The following GFRA2 variants were observed in gnomAD, a reference collection of about 807,000 sequenced individuals.
GFRA2 encodes the protein GDNF family receptor alpha 2.
In GFRA2, 17 loss-of-function variants were observed where a neutral mutation model predicts 48.3. The observed-to-expected ratio is 0.35, with a 90% CI of 0.24 to 0.53. The LOEUF (loss-of-function observed/expected upper bound fraction) is 0.53, where lower values mean the gene tolerates loss of function less well. Among genes scored for constraint, GFRA2 ranks in the 20% least tolerant of loss-of-function variants. The pLI, the probability that GFRA2 is intolerant of heterozygous loss-of-function variation, is 0.93. For synonymous variants in GFRA2, 305 were observed against 257.2 expected (o/e 1.19, Z -1.78); for missense variants, 660 against 637.3 (o/e 1.04, Z -0.38).
chr8:21,790,372 T>C (rs370712842), upstream of GFRA2, among the ~76,000 whole-genome samples: 73 of 152,308 alleles, frequency 4.8e-4, no homozygotes, highest in Middle Eastern at 3.4e-3. Context: ...TAACATGAAT[T>C]TGATAGTACC....
intron 4 of GFRA2, among the ~76,000 whole-genome samples, chr8:21,724,213 T>C (rs1246491726): frequency 6.6e-6 from 1 of 151,920 alleles, no homozygotes; most frequent in Non-Finnish European, 1.5e-5. Flanking sequence ...AGTATCTCCC[T>C]GCAGATGGTC....
In GFRA2 at chr8:21,753,416, T is replaced by A. The variant is rs112849820; in HGVS notation, c.440-2474A>T. Among the ~76,000 whole-genome samples the A allele has an allele frequency of 4.9e-3, 746 of 152,360 alleles. 5 individuals are homozygous for A. Among genetic ancestry groups the A allele is most frequent in the African/African-American group, 0.017 (721 of 41,586 alleles). ...TGAGGTCAGGAGTTCGAGGCCAGAC[T>A]GGCCAACATGGCAAAACCCCGTCTC... On this transcript the variant is annotated intron_variant, in intron 3 of 8. Transcript: ENST00000524240.
intron 4 of GFRA2, among the ~76,000 whole-genome samples, chr8:21,711,338 GA>G (rs751706597): frequency 2.0e-5 from 3 of 152,070 alleles, no homozygotes; most frequent in African/African-American, 7.2e-5. Context: ...GAACAGATAG[GA>G]AAAAAACAGA....
intron 1 of GFRA2, chr8:21,783,221 T>C (rs1807101054): frequency 4.0e-6 from 2 of 495,446 alleles, no homozygotes; most frequent in African/African-American, 1.9e-5. Flanking sequence ...CAGAGGAGAA[T>C]GTCACAGCCT....
rs987030597 is a variant in GFRA2, at chr8:21,759,804, G to A, written c.440-8862C>T. Reference sequence around the variant, plus strand: ...CTCAGGAGGCTGAAGCAGGAGAATCGCTTGAAGCCGGGAGGCAGAGGTTGC... The same window carrying A: ...CTCAGGAGGCTGAAGCAGGAGAATCACTTGAAGCCGGGAGGCAGAGGTTGC... On this transcript the variant is annotated intron_variant, in intron 3 of 8. Transcript: ENST00000524240. Among the ~76,000 whole-genome samples the A allele has an allele frequency of 8.0e-5, 12 of 149,986 alleles. No homozygotes were observed. The South Asian group carries it at 8.5e-4, about 11-fold the overall frequency.
chr8:21,810,535 G>A (rs969997513), intron 1 of GFRA2, among the ~76,000 whole-genome samples: 1 of 152,220 alleles, frequency 6.6e-6, no homozygotes, highest in African/African-American at 2.4e-5. Flanking sequence ...GCAGAGAAAT[G>A]ACAGGTCCTG....
rs1250870682 is a variant in GFRA2, at chr8:21,788,454, G to T, written c.-295C>A. 1 of 1,150,598 alleles carries T rather than the reference G, an allele frequency of 8.7e-7. No individual in the cohort carries two copies. Among genetic ancestry groups the T allele is most frequent in the Non-Finnish European group, 1.1e-6 (1 of 936,718 alleles). 71.3% of individuals were successfully genotyped at this position (1,150,598 alleles called of 1,614,324 possible). ...TTCTAAGCCAACAGCCCAGTCCTGG[G>T]GTCAGCCCTCCCCTCCAATCGTCCG... On this transcript the variant is annotated 5_prime_UTR_variant, in exon 1 of 9. Coordinates refer to ENST00000524240, the MANE Select transcript of GFRA2 (RefSeq NM_001495.5).
chr8:21,809,401 G>T (rs943079514), intron 1 of GFRA2, among the ~76,000 whole-genome samples: 2 of 152,092 alleles, frequency 1.3e-5, no homozygotes, highest in African/African-American at 2.4e-5. Context: ...CTCAGCTCAC[G>T]GCAAGCTCCG....
chr8:21,719,252 G>A (rs987393691), intron 4 of GFRA2, among the ~76,000 whole-genome samples: 1 of 152,078 alleles, frequency 6.6e-6, no homozygotes, highest in African/African-American at 2.4e-5. Context: ...TGAGACAGAG[G>A]CCAACCCAAG....
At chr8:21,730,505 A>T (rs1326274303) in intron 4 of GFRA2, among the ~76,000 whole-genome samples, 1 of 152,180 alleles carries the variant, frequency 6.6e-6, no homozygotes, top group African/African-American at 2.4e-5. Flanking sequence ...CCCTATCTGC[A>T]CCACAGAGGG....
At chr8:21,752,674 G>A (rs1805355844) in intron 3 of GFRA2, among the ~76,000 whole-genome samples, 1 of 151,942 alleles carries the variant, frequency 6.6e-6, no homozygotes, top group Admixed American at 6.6e-5. Context: ...AACACCTCTA[G>A]CTGCAAGCCT....
chr8:21,806,999 T>A (rs953701946), intron 1 of GFRA2, among the ~76,000 whole-genome samples: 6 of 152,206 alleles, frequency 3.9e-5, no homozygotes, highest in Non-Finnish European at 8.8e-5. Flanking sequence ...ATCTTTCTCA[T>A]TCATCCTTGT....
intron 4 of GFRA2, among the ~76,000 whole-genome samples, chr8:21,728,039 G>A (rs1030032389): frequency 2.0e-5 from 3 of 152,014 alleles, no homozygotes; most frequent in South Asian, 4.1e-4. Flanking sequence ...ACATACATTA[G>A]GCACATGTTA....
rs1475442011 is a variant in GFRA2, at chr8:21,692,514, C to A, written c.*764G>T. The A allele has an allele frequency of 6.6e-6, 1 of 151,230 alleles. No homozygotes were observed. Among genetic ancestry groups the A allele is most frequent in the Admixed American group, 6.6e-5 (1 of 15,200 alleles). 9.4% of individuals were successfully genotyped at this position (151,230 alleles called of 1,614,324 possible). A position where few individuals can be genotyped will look rare whatever the true frequency, so the allele number is the denominator to read the frequency against. On this transcript the variant is annotated 3_prime_UTR_variant, in exon 9 of 9. Transcript: ENST00000524240. ...GAAGCCAACAAAGGACCGTTTCTCT[C>A]TGACTTCAAAATTTCTGCCACCGAG...
At chr8:21,702,334 G>A (rs1802521580) in intron 7 of GFRA2, among the ~76,000 whole-genome samples, 1 of 152,186 alleles carries the variant, frequency 6.6e-6, no homozygotes, top group African/African-American at 2.4e-5. Context: ...AAAGAGAAGG[G>A]GAGGACTTCC....
intron 7 of GFRA2, among the ~76,000 whole-genome samples, chr8:21,699,334 G>A (rs952170121): frequency 6.6e-6 from 1 of 152,212 alleles, no homozygotes; most frequent in African/African-American, 2.4e-5. Flanking sequence ...GCAGTGAGGG[G>A]GGCCTTGGGG....
At chr8:21,713,603 G>A (rs942364799) in intron 4 of GFRA2, among the ~76,000 whole-genome samples, 4 of 151,970 alleles carry the variant, frequency 2.6e-5, no homozygotes, top group African/African-American at 4.8e-5. Context: ...GATTTGCGTG[G>A]GTACAGGTGG....
At chr8:21,785,965 C>T (rs1807248716) in intron 1 of GFRA2, among the ~76,000 whole-genome samples, 1 of 150,274 alleles carries the variant, frequency 6.7e-6, no homozygotes, top group South Asian at 2.2e-4. Flanking sequence ...GCTGAAGTTT[C>T]CTAAACACCA....
At chr8:21,735,520 G>A (rs1804412417) in intron 4 of GFRA2, among the ~76,000 whole-genome samples, 2 of 152,150 alleles carry the variant, frequency 1.3e-5, no homozygotes, top group Admixed American at 1.3e-4. Flanking sequence ...GAGAGCCGCT[G>A]TGTGGAGACG....
Sources: gnomAD v4.1 joint callset for allele counts (sites outside exome capture counted in the v4.1 genomes callset) on GRCh38, gnomAD v4.1.1 for gene constraint, MANE v1.5 for transcripts, NCBI Gene and HGNC (gene_info 2026-07-23, HGNC 2026-07-21) for gene names.